The following SMARCC1 variants were observed in gnomAD, a reference collection of about 807,000 sequenced individuals.
SMARCC1 encodes the protein SWI/SNF related BAF chromatin remodeling complex subunit C1.
A neutral mutation model predicts 147.4 loss-of-function variants in SMARCC1; 43 were observed. The observed-to-expected ratio is 0.29, with a 90% CI of 0.23 to 0.38. SMARCC1 has a LOEUF of 0.38. Ranked by LOEUF, SMARCC1 falls within the 10% of genes least tolerant of loss-of-function variation. SMARCC1 has a pLI of 1.00. For missense variants in SMARCC1, 1,119 were observed against 1,381.1 expected, an observed-to-expected ratio of 0.81 and a Z score of 3.01; for synonymous variants, 495 against 484.4, an observed-to-expected ratio of 1.02 and a Z score of -0.29.
chr3:47,749,674 C>CACACACACACACACACACACACACAT, intron 2 of SMARCC1, among the ~76,000 whole-genome samples: 1 of 150,186 alleles, frequency 6.7e-6, no homozygotes, highest in Non-Finnish European at 1.5e-5. Context: ...AAATTAAACA[C>CACACACACACACACACACACACACAT]ACACACACAC....
intron 1 of SMARCC1, among the ~76,000 whole-genome samples, chr3:47,776,915 C>T (rs2034981341): frequency 1.3e-5 from 2 of 151,926 alleles, no homozygotes; most frequent in Admixed American, 6.6e-5. Context: ...CCTGGGATTA[C>T]AGGCATGCGT....
chr3:47,717,808 C>G (rs575916169), intron 7 of SMARCC1, among the ~76,000 whole-genome samples: 2 of 152,152 alleles, frequency 1.3e-5, no homozygotes, highest in South Asian at 4.2e-4. Flanking sequence ...CTCAAGTGAT[C>G]CACCCACCTC....
intron 14 of SMARCC1, among the ~76,000 whole-genome samples, 159 bp from the exon 15 acceptor site, chr3:47,680,667 C>T (rs1288871199): frequency 6.8e-6 from 1 of 148,004 alleles, no homozygotes; most frequent in African/African-American, 2.5e-5. Context: ...CCTGCCTCAG[C>T]CTCCCAAGTA....
chr3:47,759,625 A>T (rs1391785607), intron 2 of SMARCC1, among the ~76,000 whole-genome samples: 3 of 149,090 alleles, frequency 2.0e-5, no homozygotes, highest in Admixed American at 6.7e-5. Flanking sequence ...TCTCAAAAAA[A>T]AAAAAAAAAA....
chr3:47,723,355 G>T (rs1434665483), intron 6 of SMARCC1, among the ~76,000 whole-genome samples: 10 of 106,676 alleles, frequency 9.4e-5, no homozygotes, highest in Admixed American at 2.3e-4. Context: ...TTTTTGTTGG[G>T]TTTTTTTTTT....
At chr3:47,662,098 G>A (rs560947115) in intron 20 of SMARCC1, among the ~76,000 whole-genome samples, 8 of 151,886 alleles carry the variant, frequency 5.3e-5, no homozygotes, top group Non-Finnish European at 7.4e-5. Flanking sequence ...GGGTTCAAGC[G>A]ATTCTCCTGC....
At chr3:47,603,910 T>G (rs1444885796) in intron 26 of SMARCC1, 3 of 402,530 alleles carry the variant, frequency 7.5e-6, no homozygotes, top group East Asian at 1.4e-4. Flanking sequence ...AGGAACAAAA[T>G]CTACCAAAAG....
At chr3:47,671,463 A>C (rs2033501676) in intron 18 of SMARCC1, among the ~76,000 whole-genome samples, 1 of 152,174 alleles carries the variant, frequency 6.6e-6, no homozygotes, top group Non-Finnish European at 1.5e-5. Flanking sequence ...TCTTGATTCC[A>C]ACTGCAATAA....
intron 2 of SMARCC1, among the ~76,000 whole-genome samples, chr3:47,768,837 T>C (rs2034872363): frequency 6.6e-6 from 1 of 151,994 alleles, no homozygotes; most frequent in African/African-American, 2.4e-5. Flanking sequence ...AGATTCTGAG[T>C]GAAGAGAAAA....
chr3:47,738,763 T>A (rs2034475040), intron 3 of SMARCC1, among the ~76,000 whole-genome samples: 1 of 152,190 alleles, frequency 6.6e-6, no homozygotes, highest in African/African-American at 2.4e-5. Context: ...GGTATTTAAT[T>A]CTAATACAGC....
At chr3:47,730,270 T>C (rs1413863027) in intron 5 of SMARCC1, among the ~76,000 whole-genome samples, 1 of 152,140 alleles carries the variant, frequency 6.6e-6, no homozygotes, top group African/African-American at 2.4e-5. Flanking sequence ...AAAGGATCAC[T>C]TGAGCCTAGG....
intron 14 of SMARCC1, among the ~76,000 whole-genome samples, chr3:47,681,969 A>G (rs1009214596): frequency 1.3e-5 from 2 of 152,198 alleles, no homozygotes; most frequent in Non-Finnish European, 2.9e-5. Context: ...GATCAGGCAA[A>G]TGAAAACGTT....
intron 14 of SMARCC1, among the ~76,000 whole-genome samples, chr3:47,683,722 TCAAAAAAACAGAAA>T (rs1239673677): frequency 2.6e-5 from 4 of 151,652 alleles, no homozygotes; most frequent in Non-Finnish European, 4.4e-5. Context: ...AGACTCCGTC[TCAAAAAAACAGAAA>T]CAAAAAAACC....
At position 47,588,150 on chromosome 3, in the gene SMARCC1, C is replaced by T; in HGVS notation, c.*59G>A. The T allele has an allele frequency of 7.4e-7, 1 of 1,343,170 alleles. No individual in the cohort carries two copies. The highest frequency in any genetic ancestry group is 1.1e-6 in the Non-Finnish European group (1 of 948,856). 83.2% of individuals were successfully genotyped at this position (1,343,170 alleles called of 1,614,324 possible). ...CCCAAGAAAGTTGAGGAACACAAGTCTTGTCATCCCCACTCCAGCTCATGG... is the reference window on the plus strand; with the variant it reads ...CCCAAGAAAGTTGAGGAACACAAGTTTTGTCATCCCCACTCCAGCTCATGG... On this transcript the variant is annotated 3_prime_UTR_variant, in exon 28 of 28. Coordinates refer to ENST00000254480, the MANE Select transcript of SMARCC1 (RefSeq NM_003074.4).
chr3:47,773,028 T>C (rs992600076), intron 1 of SMARCC1, 92 bp from the exon 2 acceptor site: 5 of 1,134,690 alleles, frequency 4.4e-6, no homozygotes, highest in Admixed American at 2.2e-5. Flanking sequence ...GTACTTACGT[T>C]ATGGGAAATT....
At chr3:47,735,918 G>A in intron 5 of SMARCC1, 116 bp downstream of exon 5, 1 of 398,294 alleles carries the variant, frequency 2.5e-6, no homozygotes, top group Non-Finnish European at 4.5e-6. Flanking sequence ...AATTTCTTTT[G>A]ATGCAAATAT....
chr3:47,591,414 A>G (rs961900086), intron 26 of SMARCC1, among the ~76,000 whole-genome samples: 8 of 151,936 alleles, frequency 5.3e-5, no homozygotes, highest in Non-Finnish European at 1.0e-4. Flanking sequence ...TTCATTTAAA[A>G]AAAAAAAAAA....
At position 47,684,608 on chromosome 3, in the gene SMARCC1, T is replaced by C. The variant is rs1252295441; in HGVS notation, c.1385+1441A>G. Among the ~76,000 whole-genome samples, 16 of 151,944 alleles carry C rather than the reference T, an allele frequency of 1.1e-4. No individual in the cohort carries two copies. The South Asian group carries it at 2.9e-3, about 28-fold the overall frequency. Reference sequence around the variant, plus strand: ...GGCACCCACCACCACGCCTGGCTAATTTTTTTGTATTTTTAATAGAGACGG... The same window carrying C: ...GGCACCCACCACCACGCCTGGCTAACTTTTTTGTATTTTTAATAGAGACGG... On this transcript the variant is annotated intron_variant, in intron 14 of 27. Coordinates refer to ENST00000254480, the MANE Select transcript of SMARCC1 (RefSeq NM_003074.4).
At chr3:47,693,905 C>T (rs1261908943) in intron 11 of SMARCC1, among the ~76,000 whole-genome samples, 4 of 152,162 alleles carry the variant, frequency 2.6e-5, no homozygotes, top group Non-Finnish European at 5.9e-5. Context: ...TCATGCAATC[C>T]ATTCGCATCA....
Sources: allele counts gnomAD v4.1 joint callset (sites outside exome capture counted in the v4.1 genomes callset), GRCh38; gene constraint gnomAD v4.1.1; transcripts MANE v1.5; gene names NCBI Gene and HGNC (gene_info 2026-07-23, HGNC 2026-07-21).